The following CACNB2 variants were observed in gnomAD, a reference collection of about 807,000 sequenced individuals.
The protein encoded by CACNB2 is voltage-dependent L-type calcium channel subunit beta-2.
Under a neutral mutation model 73.3 loss-of-function variants are expected in CACNB2, and 42 were observed. That is an observed-to-expected ratio of 0.57 (90% CI 0.45 to 0.74). CACNB2 has a LOEUF of 0.74. Ranked by LOEUF, CACNB2 falls within the 30% of genes least tolerant of loss-of-function variation. The probability of loss-of-function intolerance (pLI) is 0.00; values close to 1 mark genes in which losing one functional copy is unlikely to be tolerated. For synonymous variants in CACNB2, 348 were observed against 310.3 expected (o/e 1.12, Z -1.28); for missense variants, 940 against 853.0 (o/e 1.10, Z -1.27).
chr10:18,149,929 C>A (rs1178095588), intron 1 of CACNB2, among the ~76,000 whole-genome samples: 1 of 152,106 alleles, frequency 6.6e-6, no homozygotes, highest in Non-Finnish European at 1.5e-5. Context: ...ATTATTTCAT[C>A]TAATACTTAA....
chr10:18,537,516 C>CCTGTAATCCCAGCACTTTG (rs1335824762), intron 12 of CACNB2, among the ~76,000 whole-genome samples: 3 of 152,030 alleles, frequency 2.0e-5, no homozygotes, highest in Non-Finnish European at 4.4e-5. Context: ...GTGGCTCATA[C>CCTGTAATCCCAGCACTTTG]CTGTAATCCC....
intron 3 of CACNB2, among the ~76,000 whole-genome samples, chr10:18,416,188 C>T (rs879677577): frequency 2.6e-5 from 4 of 152,136 alleles, no homozygotes; most frequent in Non-Finnish European, 5.9e-5. Flanking sequence ...TATTTTTCCA[C>T]TCTTTATCTC....
rs1231159146 is a variant in CACNB2 at position 18,344,779 on chromosome 10, TAATAA to T, written c.214-57132_214-57128del. On this transcript the variant is annotated intron_variant, in intron 2 of 13. Transcript: ENST00000324631. ...GCAACAACTCCGTCTCAAAATAAAA[TAATAA>T]AATAAAATAAAACAGAAGAAATATT... 6.6e-5 allele frequency among the ~76,000 whole-genome samples: 10 copies of T among 152,226 alleles called. No homozygotes were observed. The East Asian group carries it at 7.7e-4, about 12-fold the overall frequency.
intron 2 of CACNB2, among the ~76,000 whole-genome samples, chr10:18,231,090 C>G (rs2036207627): frequency 6.6e-6 from 1 of 152,274 alleles, no homozygotes; most frequent in Non-Finnish European, 1.5e-5. Flanking sequence ...TAGGAATGGT[C>G]CACATGCAAA....
At chr10:18,223,487 A>AT (rs2035871692) in intron 2 of CACNB2, among the ~76,000 whole-genome samples, 1 of 152,192 alleles carries the variant, frequency 6.6e-6, no homozygotes, top group African/African-American at 2.4e-5. Flanking sequence ...TATTTAATGT[A>AT]TTTTACACGA....
intron 2 of CACNB2, among the ~76,000 whole-genome samples, chr10:18,163,948 G>A (rs1450447198): frequency 6.6e-6 from 1 of 152,132 alleles, no homozygotes; most frequent in Non-Finnish European, 1.5e-5. Flanking sequence ...GGAAGGGGAA[G>A]GGAGTTGTTG....
intron 2 of CACNB2, among the ~76,000 whole-genome samples, chr10:18,179,660 C>T (rs7911644): frequency 0.4 from 60,086 of 151,202 alleles, 12,543 homozygotes; most frequent in African/African-American, 0.55. Flanking sequence ...GCACTGTGTG[C>T]TTTAGTTTGG....
intron 3 of CACNB2, among the ~76,000 whole-genome samples, chr10:18,406,195 C>T (rs2044278480): frequency 6.6e-6 from 1 of 152,082 alleles, no homozygotes; most frequent in Admixed American, 6.5e-5. Flanking sequence ...AAGTTGTGGT[C>T]ATAAAAGGTG....
intron 2 of CACNB2, among the ~76,000 whole-genome samples, chr10:18,371,908 G>A (rs909857875): frequency 4.6e-5 from 7 of 152,218 alleles, no homozygotes; most frequent in African/African-American, 1.7e-4. Context: ...ACTGGTGTGA[G>A]ATGGTATCTC....
intron 7 of CACNB2, 163 bp downstream of exon 7, chr10:18,514,532 T>C: frequency 1.2e-6 from 2 of 1,613,806 alleles, no homozygotes; most frequent in Non-Finnish European, 1.7e-6. Flanking sequence ...CAGAAATCGG[T>C]AAGTTTACAT....
intron 2 of CACNB2, among the ~76,000 whole-genome samples, chr10:18,318,679 A>G (rs889855858): frequency 3.9e-5 from 6 of 152,174 alleles, no homozygotes; most frequent in African/African-American, 1.4e-4. Context: ...CCTACAGAAT[A>G]GGAGAAAATG....
intron 2 of CACNB2, among the ~76,000 whole-genome samples, chr10:18,379,445 C>T (rs920748610): frequency 6.6e-6 from 1 of 152,114 alleles, no homozygotes; most frequent in Non-Finnish European, 1.5e-5. Flanking sequence ...AACTCCTGAC[C>T]GCAGGCGATC....
At position 18,539,807 on chromosome 10, in the gene CACNB2, C is replaced by T; in HGVS notation, c.*83C>T. 6 of 1,343,096 alleles carry T rather than the reference C, an allele frequency of 4.5e-6. No homozygotes were observed. The highest frequency in any genetic ancestry group is 4.1e-5 in the Admixed American group (2 of 48,632). 83.2% of individuals were successfully genotyped at this position (1,343,096 alleles called of 1,614,324 possible). On this transcript the variant is annotated 3_prime_UTR_variant, in exon 14 of 14. Transcript: ENST00000324631. ...ATCCCCAAAACAAAGTCTTTGGGGT[C>T]TACACTGCAATCATATGTGATCTGT...
At chr10:18,369,886 A>C (rs961408955) in intron 2 of CACNB2, among the ~76,000 whole-genome samples, 1 of 152,214 alleles carries the variant, frequency 6.6e-6, no homozygotes. Flanking sequence ...CACCCTTGGC[A>C]ACAGAGCAAG....
intron 2 of CACNB2, among the ~76,000 whole-genome samples, chr10:18,235,516 G>A (rs546709952): frequency 1.7e-4 from 26 of 152,190 alleles, no homozygotes; most frequent in Admixed American, 5.9e-4. Flanking sequence ...TGTATATTTA[G>A]CAATAATAAT....
intron 2 of CACNB2, among the ~76,000 whole-genome samples, chr10:18,209,984 T>C (rs771289070): frequency 5.9e-5 from 9 of 152,180 alleles, no homozygotes; most frequent in Non-Finnish European, 1.2e-4. Flanking sequence ...AAGGATGTAT[T>C]TCTGAATACT....
chr10:18,509,520 C>G (rs1489178822), intron 6 of CACNB2, among the ~76,000 whole-genome samples: 4 of 152,160 alleles, frequency 2.6e-5, no homozygotes, highest in Non-Finnish European at 5.9e-5. Context: ...AAAAATTGTT[C>G]TCGGTGCCAT....
Position 18,494,473 on chromosome 10 carries a change from C to A in CACNB2, c.334-3882C>A, listed in dbSNP as rs191131842. 0.014 allele frequency among the ~76,000 whole-genome samples: 2,094 copies of A among 149,820 alleles called. 97 individuals are homozygous for A. In the South Asian group the frequency reaches 0.14, roughly 10 times the overall value. Reference sequence around the variant, plus strand: ...TGAAACCCCATCTCTACTAAAAATACAAAAAAAAATTAGCCGGGCATGGTG... The same window carrying A: ...TGAAACCCCATCTCTACTAAAAATAAAAAAAAAAATTAGCCGGGCATGGTG... On this transcript the variant is annotated intron_variant, in intron 3 of 13. Coordinates refer to ENST00000324631, the MANE Select transcript of CACNB2 (RefSeq NM_201596.3).
chr10:18,438,183 A>AGTTTTT, intron 3 of CACNB2, among the ~76,000 whole-genome samples: 2 of 93,968 alleles, frequency 2.1e-5, no homozygotes, highest in East Asian at 3.1e-4. Context: ...ACACCTGGCG[A>AGTTTTT]TTTTTTTTTT....
Sources: gnomAD v4.1 joint callset for allele counts (sites outside exome capture counted in the v4.1 genomes callset) on GRCh38, gnomAD v4.1.1 for gene constraint, MANE v1.5 for transcripts, NCBI Gene and HGNC (gene_info 2026-07-23, HGNC 2026-07-21) for gene names.